Variants in VRK1 observed in about 807,000 individuals in gnomAD.
VRK1 encodes VRK serine/threonine kinase 1.
In VRK1, 33 loss-of-function variants were observed where a neutral mutation model predicts 57.1. The ratio of observed to expected loss-of-function variants is 0.58; its 90% CI spans 0.44 to 0.77. The LOEUF (loss-of-function observed/expected upper bound fraction) is 0.77, where lower values mean the gene tolerates loss of function less well. VRK1 is among the 30% of genes least tolerant of loss of function. The pLI is 0.00. For synonymous variants in VRK1, 137 were observed against 147.8 expected (o/e 0.93, Z 0.53); for missense variants, 413 against 477.3 (o/e 0.87, Z 1.25).
intron 1 of VRK1, among the ~76,000 whole-genome samples, chr14:96,816,670 A>G (rs1886406004): frequency 6.6e-6 from 1 of 152,194 alleles, no homozygotes; most frequent in African/African-American, 2.4e-5. Flanking sequence ...TAATTTGAGC[A>G]ACAATATCAG....
chr14:96,841,912 G>A (rs559170404), intron 3 of VRK1, among the ~76,000 whole-genome samples: 75 of 151,730 alleles, frequency 4.9e-4, no homozygotes, highest in African/African-American at 1.7e-3. Flanking sequence ...GGGGAAATTT[G>A]TAACTTCTAT....
intron 1 of VRK1, among the ~76,000 whole-genome samples, chr14:96,813,787 T>C: frequency 6.6e-6 from 1 of 152,196 alleles, no homozygotes; most frequent in East Asian, 1.9e-4. Flanking sequence ...GTTTTGCACA[T>C]GATTTATTCT....
At chr14:96,831,436 T>C (rs766276175) in intron 1 of VRK1, among the ~76,000 whole-genome samples, 59 of 152,214 alleles carry the variant, frequency 3.9e-4, no homozygotes, top group Non-Finnish European at 1.0e-4. Context: ...TTGAAGATAC[T>C]GACAGCGATG....
At chr14:96,875,206 T>C (rs1236027118) in intron 11 of VRK1, among the ~76,000 whole-genome samples, 1 of 152,226 alleles carries the variant, frequency 6.6e-6, no homozygotes, top group Admixed American at 6.5e-5. Context: ...TGTTAGAGAA[T>C]TTAGAAACTT....
intron 10 of VRK1, among the ~76,000 whole-genome samples, 160 bp from the exon 11 acceptor site, chr14:96,860,397 G>C (rs981897673): frequency 6.6e-6 from 1 of 151,976 alleles, no homozygotes; most frequent in African/African-American, 2.4e-5. Flanking sequence ...GACAATTCCT[G>C]AGTTCAAAAG....
At position 96,876,164 on chromosome 14, in the gene VRK1, A is replaced by G. The variant is rs191293204; in HGVS notation, c.1159+44A>G. ...CCTAGCTGCTTTCATAGGTAAACAC[A>G]AATTTCATTTCCTCCCATTAGATGA... On this transcript the variant is annotated intron_variant, in intron 12 of 12. Transcript: ENST00000216639. 54 of 1,589,670 alleles carry G rather than the reference A, an allele frequency of 3.4e-5. No homozygotes were observed. The African/African-American group carries it at 6.7e-4, about 20-fold the overall frequency.
intron 1 of VRK1, among the ~76,000 whole-genome samples, chr14:96,798,258 A>C (rs1275262741): frequency 6.6e-6 from 1 of 152,142 alleles, no homozygotes. Flanking sequence ...AGCTCCATTC[A>C]GGGGCAACGC....
chr14:96,858,080 G>GT (rs1888238466), intron 10 of VRK1, among the ~76,000 whole-genome samples: 2 of 151,300 alleles, frequency 1.3e-5, no homozygotes, highest in Admixed American at 6.6e-5. Context: ...TTGTTGTTTT[G>GT]TTTTTTTGAG....
chr14:96,870,706 G>A (rs935661851), intron 11 of VRK1, among the ~76,000 whole-genome samples: 1 of 152,140 alleles, frequency 6.6e-6, no homozygotes, highest in African/African-American at 2.4e-5. Context: ...ATTTTTCTAG[G>A]TTGTGCTTGC....
At chr14:96,845,660 T>C (rs1270520087) in intron 3 of VRK1, among the ~76,000 whole-genome samples, 3 of 152,144 alleles carry the variant, frequency 2.0e-5, no homozygotes, top group African/African-American at 7.2e-5. Flanking sequence ...ATAAGTGTAA[T>C]GAAAACAGGA....
At chr14:96,820,883 A>G (rs889821615) in intron 1 of VRK1, among the ~76,000 whole-genome samples, 7 of 152,186 alleles carry the variant, frequency 4.6e-5, no homozygotes, top group African/African-American at 1.7e-4. Context: ...TGAATTTCCT[A>G]GCATTCACTG....
At chr14:96,852,158 G>T (rs1340191725) in intron 5 of VRK1, among the ~76,000 whole-genome samples, 2 of 152,180 alleles carry the variant, frequency 1.3e-5, no homozygotes, top group African/African-American at 4.8e-5. Flanking sequence ...CTTAGAAAGG[G>T]TGAGTCCCTG....
chr14:96,843,210 A>C (rs1371416563), intron 3 of VRK1, among the ~76,000 whole-genome samples: 1 of 152,230 alleles, frequency 6.6e-6, no homozygotes, highest in Admixed American at 6.5e-5. Flanking sequence ...GCAAGGAGAA[A>C]GAAATTTTCT....
chr14:96,826,324 T>C (rs1192365144), intron 1 of VRK1, among the ~76,000 whole-genome samples: 1 of 152,202 alleles, frequency 6.6e-6, no homozygotes, highest in Non-Finnish European at 1.5e-5. Flanking sequence ...CAAGCTTGCT[T>C]TGTGTATTTA....
chr14:96,854,961 ATACTTAT>A (rs1888093060), intron 7 of VRK1, among the ~76,000 whole-genome samples: 1 of 152,120 alleles, frequency 6.6e-6, no homozygotes, highest in African/African-American at 2.4e-5. Flanking sequence ...AGTATAACAT[ATACTTAT>A]CTTAAAAAAG....
At chr14:96,855,100 G>C in intron 7 of VRK1, 124 bp from the exon 8 acceptor site, 1 of 1,343,246 alleles carries the variant, frequency 7.4e-7, no homozygotes, top group Non-Finnish European at 1.1e-6. Flanking sequence ...ATTGTTTGGA[G>C]TGTTATGGAA....
At chr14:96,880,076 A>G (rs1285835028) in intron 12 of VRK1, among the ~76,000 whole-genome samples, 1 of 152,184 alleles carries the variant, frequency 6.6e-6, no homozygotes, top group African/African-American at 2.4e-5. Context: ...TATATAGGGT[A>G]TGTATTATGA....
intron 1 of VRK1, among the ~76,000 whole-genome samples, 175 bp downstream of exon 1, chr14:96,797,622 G>C (rs947500268): frequency 6.6e-6 from 1 of 152,044 alleles, no homozygotes; most frequent in African/African-American, 2.4e-5. Context: ...CCGCCGCGTG[G>C]CTTCCGCCTG....
chr14:96,829,618 A>G (rs918881195), intron 1 of VRK1, among the ~76,000 whole-genome samples: 1 of 152,182 alleles, frequency 6.6e-6, no homozygotes, highest in Non-Finnish European at 1.5e-5. Context: ...TAGAATAATA[A>G]TATCACATAA....
Sources: gnomAD v4.1 joint callset for allele counts (sites outside exome capture counted in the v4.1 genomes callset) on GRCh38, gnomAD v4.1.1 for gene constraint, MANE v1.5 for transcripts, NCBI Gene and HGNC (gene_info 2026-07-23, HGNC 2026-07-21) for gene names.